The following PPP1R9A variants were observed in gnomAD, a reference collection of about 807,000 sequenced individuals.
PPP1R9A encodes the protein protein phosphatase 1 regulatory subunit 9A.
Under a neutral mutation model 141.9 loss-of-function variants are expected in PPP1R9A, and 59 were observed. The observed-to-expected ratio is 0.42, with a 90% CI of 0.34 to 0.52. The LOEUF is 0.52. PPP1R9A is among the 20% of genes least tolerant of loss of function. PPP1R9A has a pLI of 0.10. For synonymous variants in PPP1R9A, 500 were observed against 569.7 expected, an observed-to-expected ratio of 0.88 and a Z score of 1.74; for missense variants, 1,444 against 1,611.9, an observed-to-expected ratio of 0.90 and a Z score of 1.78.
At chr7:95,071,107 A>G (rs1454360438) in intron 2 of PPP1R9A, among the ~76,000 whole-genome samples, 1 of 152,092 alleles carries the variant, frequency 6.6e-6, no homozygotes, top group African/African-American at 2.4e-5. Flanking sequence ...TTCAGGGCTT[A>G]TAAAACTAAG....
Position 95,176,590 on chromosome 7 carries a change from A to C in PPP1R9A, c.1754+14619A>C, listed in dbSNP as rs2152770854. On this transcript the variant is annotated intron_variant, in intron 5 of 19. Transcript: ENST00000433360. Reference sequence around the variant, plus strand: ...TCAGGAAGGCACCAGAGAAAGGCAAAGCCTAATGCAAGGAAATCCAAAAAA... The same window carrying C: ...TCAGGAAGGCACCAGAGAAAGGCAACGCCTAATGCAAGGAAATCCAAAAAA... 3.3e-5 allele frequency: 5 copies of C among 152,120 alleles called. No individual in the cohort carries two copies. In the South Asian group the frequency reaches 1.0e-3, roughly 32 times the overall value. 9.4% of individuals were successfully genotyped at this position (152,120 alleles called of 1,614,324 possible).
rs1243600488 is a variant in PPP1R9A at position 95,296,062 on chromosome 7, A to T, written c.*5759A>T. On this transcript the variant is annotated 3_prime_UTR_variant, in exon 20 of 20. Coordinates refer to ENST00000433360, the MANE Select transcript of PPP1R9A (RefSeq NM_001166160.2). ...TAAAGAACACGAATTGTTTGAAAAT[A>T]ATTTTAAGTCTGATAAGTATGGATA... The T allele has an allele frequency of 6.6e-6, 1 of 152,648 alleles. No homozygotes were observed. The highest frequency in any genetic ancestry group is 1.5e-5 in the Non-Finnish European group (1 of 68,036). 9.5% of individuals were successfully genotyped at this position (152,648 alleles called of 1,614,324 possible). A position where few individuals can be genotyped will look rare whatever the true frequency, so the allele number is the denominator to read the frequency against.
At chr7:95,158,739 TAAG>T (rs1830014192) in intron 4 of PPP1R9A, among the ~76,000 whole-genome samples, 1 of 152,134 alleles carries the variant, frequency 6.6e-6, no homozygotes, top group African/African-American at 2.4e-5. Flanking sequence ...TTTAAGTTAA[TAAG>T]AAAAGTCACT....
chr7:95,241,066 C>G (rs1223690030), intron 8 of PPP1R9A, among the ~76,000 whole-genome samples: 1 of 152,106 alleles, frequency 6.6e-6, no homozygotes, highest in Non-Finnish European at 1.5e-5. Flanking sequence ...AGTCTGACAT[C>G]TAGGGCAATT....
intron 2 of PPP1R9A, among the ~76,000 whole-genome samples, chr7:94,918,559 A>C (rs1490637975): frequency 6.6e-6 from 1 of 152,096 alleles, no homozygotes; most frequent in East Asian, 1.9e-4. Flanking sequence ...GTATATTCAC[A>C]GTGTTGTGCA....
chr7:94,990,351 T>C (rs1801355542), intron 2 of PPP1R9A, among the ~76,000 whole-genome samples: 1 of 152,130 alleles, frequency 6.6e-6, no homozygotes, highest in Admixed American at 6.6e-5. Context: ...CATTATGTGA[T>C]ACTTTGAATA....
chr7:94,941,661 C>T (rs1795343792), intron 2 of PPP1R9A, among the ~76,000 whole-genome samples: 1 of 151,604 alleles, frequency 6.6e-6, no homozygotes, highest in South Asian at 2.1e-4. Context: ...AAAAGCCACT[C>T]ATATTTGGGG....
intron 2 of PPP1R9A, among the ~76,000 whole-genome samples, chr7:94,950,069 C>T (rs1796308203): frequency 6.6e-6 from 1 of 151,964 alleles, no homozygotes; most frequent in Non-Finnish European, 1.5e-5. Context: ...ATATCTATTG[C>T]ACAAGAAGAA....
intron 2 of PPP1R9A, among the ~76,000 whole-genome samples, chr7:95,027,974 G>T (rs916987891): frequency 1.3e-5 from 2 of 152,014 alleles, no homozygotes; most frequent in African/African-American, 4.8e-5. Flanking sequence ...TGAATGACCT[G>T]CCTGTGTATT....
At chr7:95,194,314 T>TA (rs908589890) in intron 5 of PPP1R9A, among the ~76,000 whole-genome samples, 1 of 152,022 alleles carries the variant, frequency 6.6e-6, no homozygotes, top group Non-Finnish European at 1.5e-5. Flanking sequence ...TCTTTAACCA[T>TA]AAAAAACATA....
At chr7:95,005,228 T>G (rs1216417654) in intron 2 of PPP1R9A, among the ~76,000 whole-genome samples, 2 of 152,178 alleles carry the variant, frequency 1.3e-5, no homozygotes, top group Non-Finnish European at 2.9e-5. Context: ...TATTTCACTT[T>G]GTAATTATAT....
intron 2 of PPP1R9A, among the ~76,000 whole-genome samples, chr7:95,105,707 A>G (rs973914383): frequency 6.6e-6 from 1 of 152,166 alleles, no homozygotes; most frequent in Admixed American, 6.5e-5. Context: ...TTGTAGAGCA[A>G]TTAAGGTTAA....
intron 4 of PPP1R9A, among the ~76,000 whole-genome samples, chr7:95,126,842 A>G (rs1203906341): frequency 6.6e-6 from 1 of 152,204 alleles, no homozygotes; most frequent in Non-Finnish European, 1.5e-5. Context: ...GTTAGACACC[A>G]GAAAATTTTT....
At chr7:95,136,907 A>T (rs1584892499) in intron 4 of PPP1R9A, among the ~76,000 whole-genome samples, 1 of 152,274 alleles carries the variant, frequency 6.6e-6, no homozygotes, top group Admixed American at 6.5e-5. Context: ...ATGTAATGTA[A>T]GTTTGAGGTA....
At chr7:95,153,162 T>C (rs1034161342) in intron 4 of PPP1R9A, among the ~76,000 whole-genome samples, 1 of 152,136 alleles carries the variant, frequency 6.6e-6, no homozygotes, top group Non-Finnish European at 1.5e-5. Flanking sequence ...TCACATACAT[T>C]ATATTTATGT....
intron 2 of PPP1R9A, among the ~76,000 whole-genome samples, chr7:95,082,643 G>T (rs575146041): frequency 6.6e-6 from 1 of 151,994 alleles, no homozygotes; most frequent in East Asian, 1.9e-4. Context: ...GGGAGGCTGA[G>T]GTGGGAGGAT....
chr7:95,014,548 C>A (rs993827939), intron 2 of PPP1R9A, among the ~76,000 whole-genome samples: 11 of 151,924 alleles, frequency 7.2e-5, no homozygotes, highest in African/African-American at 2.2e-4. Context: ...AAGGTGGTTT[C>A]TCCACTTTGC....
chr7:94,952,102 C>A (rs1796542263), intron 2 of PPP1R9A, among the ~76,000 whole-genome samples: 1 of 152,052 alleles, frequency 6.6e-6, no homozygotes, highest in Admixed American at 6.6e-5. Flanking sequence ...GGTTATCCCT[C>A]CCCTAGCACC....
chr7:95,230,474 C>G (rs1795769150), intron 8 of PPP1R9A, among the ~76,000 whole-genome samples: 1 of 151,828 alleles, frequency 6.6e-6, no homozygotes, highest in Non-Finnish European at 1.5e-5. Context: ...AAAAAACAGT[C>G]ACAACTTCTG....
Sources: gnomAD v4.1 joint callset for allele counts (sites outside exome capture counted in the v4.1 genomes callset) on GRCh38, gnomAD v4.1.1 for gene constraint, MANE v1.5 for transcripts, NCBI Gene and HGNC (gene_info 2026-07-23, HGNC 2026-07-21) for gene names.